The following TASP1 variants were observed in gnomAD, a reference collection of about 807,000 sequenced individuals.
TASP1 encodes the protein threonine aspartase 1.
TASP1 carries 16 observed loss-of-function variants against 56.6 expected under a neutral mutation model. The ratio of observed to expected loss-of-function variants is 0.28; its 90% confidence interval spans 0.19 to 0.43. TASP1 has a LOEUF of 0.43. TASP1 is among the 20% of genes least tolerant of loss of function. The pLI is 1.00. For synonymous variants in TASP1, 179 were observed against 184.2 expected (o/e 0.97, Z 0.23); for missense variants, 393 against 511.6 (o/e 0.77, Z 2.24).
At chr20:13,108,111 C>T in the TASP1 span, among the ~76,000 whole-genome samples, 1 of 152,104 alleles carries the variant, frequency 6.6e-6, no homozygotes, top group South Asian at 2.1e-4. Flanking sequence ...CTGAGGACAG[C>T]TTGGAAGGTG....
At chr20:13,279,961 C>A in the TASP1 span, 1 of 1,495,534 alleles carries the variant, frequency 6.7e-7, no homozygotes, top group Non-Finnish European at 9.1e-7. Flanking sequence ...ATGCCTTGGA[C>A]ATGGAGCCAA....
chr20:13,111,532 G>C, the TASP1 span, among the ~76,000 whole-genome samples: 2 of 152,282 alleles, frequency 1.3e-5, no homozygotes, highest in Middle Eastern at 3.4e-3. Context: ...GAGAAAACCT[G>C]TTCTGGTATA....
intron 11 of TASP1, among the ~76,000 whole-genome samples, chr20:13,449,044 CT>C (rs1017778167): frequency 2.6e-5 from 4 of 151,936 alleles, no homozygotes; most frequent in Non-Finnish European, 5.9e-5. Context: ...AGCATTAAAA[CT>C]TTTTTTTCTG....
At chr20:13,115,761 G>A in the TASP1 span, among the ~76,000 whole-genome samples, 8 of 152,174 alleles carry the variant, frequency 5.3e-5, no homozygotes, top group South Asian at 6.2e-4. Flanking sequence ...GGGCCGTAAC[G>A]ATTCACTAAA....
intron 10 of TASP1, among the ~76,000 whole-genome samples, chr20:13,511,888 G>C (rs2044343960): frequency 6.6e-6 from 1 of 151,762 alleles, no homozygotes; most frequent in African/African-American, 2.4e-5. Context: ...AGTTTGCTGA[G>C]AATGATGGTT....
chr20:13,500,124 A>T (rs1310696374), intron 10 of TASP1, among the ~76,000 whole-genome samples: 4 of 151,624 alleles, frequency 2.6e-5, no homozygotes, highest in Non-Finnish European at 5.9e-5. Context: ...CACACCCTGG[A>T]CCTATAAAAA....
chr20:13,436,757 G>A (rs142120698), intron 11 of TASP1, among the ~76,000 whole-genome samples: 114 of 152,186 alleles, frequency 7.5e-4, no homozygotes, highest in Non-Finnish European at 1.2e-3. Context: ...CAGCAACGCA[G>A]CCAACTCAAG....
At chr20:13,186,911 G>A in the TASP1 span, among the ~76,000 whole-genome samples, 2 of 152,184 alleles carry the variant, frequency 1.3e-5, no homozygotes, top group Non-Finnish European at 2.9e-5. Context: ...ACTTAGATGT[G>A]ATACAGATGT....
chr20:13,280,398 C>G, the TASP1 span, among the ~76,000 whole-genome samples: 26 of 148,130 alleles, frequency 1.8e-4, no homozygotes, highest in South Asian at 3.7e-3. Context: ...GTAACCCCCC[C>G]CCCCCAATAC....
intron 10 of TASP1, among the ~76,000 whole-genome samples, chr20:13,525,807 G>A (rs542132829): frequency 6.6e-5 from 10 of 152,200 alleles, no homozygotes; most frequent in African/African-American, 1.4e-4. Context: ...AAAGTCCAAC[G>A]GACAAGAGGG....
chr20:13,221,640 C>G, the TASP1 span: 7 of 674,406 alleles, frequency 1.0e-5, no homozygotes, highest in Non-Finnish European at 1.4e-5. Flanking sequence ...CCCGCGGGCC[C>G]GGGAAGCGGA....
the TASP1 span, chr20:13,221,735 C>G: frequency 3.0e-6 from 4 of 1,347,984 alleles, no homozygotes; most frequent in South Asian, 1.8e-5. Flanking sequence ...GCCGCCGCCG[C>G]CGGCCGCCGC....
chr20:13,124,248 TC>T, the TASP1 span, among the ~76,000 whole-genome samples: 1 of 151,724 alleles, frequency 6.6e-6, no homozygotes, highest in Non-Finnish European at 1.5e-5. Context: ...CCTCCTGGAC[TC>T]CCACACATGT....
chr20:13,573,605 C>A (rs1041810495), intron 6 of TASP1, among the ~76,000 whole-genome samples: 1 of 152,072 alleles, frequency 6.6e-6, no homozygotes, highest in Non-Finnish European at 1.5e-5. Flanking sequence ...TACATGTGAT[C>A]CAAATATTTC....
intron 10 of TASP1, among the ~76,000 whole-genome samples, chr20:13,519,699 T>C (rs558496509): frequency 6.6e-6 from 1 of 152,278 alleles, no homozygotes; most frequent in Non-Finnish European, 1.5e-5. Flanking sequence ...GCATTCCCTT[T>C]GAAAATTGGC....
chr20:13,291,996 G>A, the TASP1 span, among the ~76,000 whole-genome samples: 22 of 152,118 alleles, frequency 1.4e-4, no homozygotes, highest in African/African-American at 5.3e-4. Context: ...TGATTTCAAC[G>A]CACACAGTCA....
intron 8 of TASP1, among the ~76,000 whole-genome samples, chr20:13,535,758 G>A (rs1041597296): frequency 6.6e-6 from 1 of 152,140 alleles, no homozygotes; most frequent in African/African-American, 2.4e-5. Flanking sequence ...GCCCAATAGT[G>A]AGTAACATGC....
At chr20:13,533,449 G>A (rs1165381666) in intron 9 of TASP1, among the ~76,000 whole-genome samples, 7 of 152,100 alleles carry the variant, frequency 4.6e-5, no homozygotes, top group Admixed American at 4.6e-4. Flanking sequence ...ATGTGCAAGT[G>A]AACTGGGGAC....
At chr20:13,171,458 T>G in the TASP1 span, among the ~76,000 whole-genome samples, 1 of 152,338 alleles carries the variant, frequency 6.6e-6, no homozygotes, top group African/African-American at 2.4e-5. Flanking sequence ...AAGCGATGTA[T>G]TAATGAGACA....
Sources: gnomAD v4.1 joint callset for allele counts (sites outside exome capture counted in the v4.1 genomes callset) on GRCh38, gnomAD v4.1.1 for gene constraint, MANE v1.5 for transcripts, NCBI Gene and HGNC (gene_info 2026-07-23, HGNC 2026-07-21) for gene names.